WDR7: variants seen among roughly 807,000 people sequenced by gnomAD.
WDR7 encodes WD repeat domain 7, also known as WD repeat-containing protein 7.
In WDR7, 46 loss-of-function variants were observed where a neutral mutation model predicts 169.4. That is an observed-to-expected ratio of 0.27 (90% CI 0.21 to 0.35). WDR7 has a LOEUF of 0.35. WDR7 is among the 10% of genes least tolerant of loss of function. WDR7 has a pLI of 1.00. For synonymous variants in WDR7, 612 were observed against 666.8 expected, an observed-to-expected ratio of 0.92 and a Z score of 1.27; for missense variants, 1,534 against 1,859.3, an observed-to-expected ratio of 0.83 and a Z score of 3.22.
chr18:56,931,943 C>G (rs2145675128), intron 22 of WDR7, among the ~76,000 whole-genome samples: 1 of 152,136 alleles, frequency 6.6e-6, no homozygotes, highest in Non-Finnish European at 1.5e-5. Flanking sequence ...TTATGGAGGG[C>G]CTAGAATCTT....
At chr18:56,776,029 C>T (rs1220114608) in intron 16 of WDR7, among the ~76,000 whole-genome samples, 5 of 152,044 alleles carry the variant, frequency 3.3e-5, no homozygotes, top group South Asian at 2.1e-4. Context: ...GTGTGCCATA[C>T]GGTCCTTTTG....
chr18:56,936,864 G>A (rs566083819), intron 23 of WDR7, among the ~76,000 whole-genome samples: 7 of 152,070 alleles, frequency 4.6e-5, no homozygotes, highest in Non-Finnish European at 7.4e-5. Flanking sequence ...TTATAGTAAG[G>A]TTCCACTAGA....
chr18:56,724,512 A>G (rs956408679), intron 13 of WDR7, among the ~76,000 whole-genome samples: 3 of 150,900 alleles, frequency 2.0e-5, no homozygotes, highest in Non-Finnish European at 2.9e-5. Flanking sequence ...GCTCCTGGCC[A>G]TGCCTTTGTA....
At chr18:56,724,657 A>G (rs900769886) in intron 13 of WDR7, among the ~76,000 whole-genome samples, 13 of 151,142 alleles carry the variant, frequency 8.6e-5, no homozygotes, top group African/African-American at 2.9e-4. Context: ...TTTTATATAT[A>G]TATATAATTA....
intron 20 of WDR7, among the ~76,000 whole-genome samples, chr18:56,877,200 C>T (rs2046035059): frequency 6.6e-6 from 1 of 151,778 alleles, no homozygotes; most frequent in Non-Finnish European, 1.5e-5. Context: ...TAAATAATTC[C>T]ATACCAATAA....
intron 19 of WDR7, among the ~76,000 whole-genome samples, chr18:56,807,328 C>A (rs1179888942): frequency 6.6e-6 from 1 of 151,950 alleles, no homozygotes; most frequent in Non-Finnish European, 1.5e-5. Context: ...ACGGTTTTTT[C>A]TTTGTTTCAT....
intron 26 of WDR7, among the ~76,000 whole-genome samples, chr18:57,013,427 C>T (rs2048164686): frequency 6.6e-6 from 1 of 151,754 alleles, no homozygotes; most frequent in Admixed American, 6.6e-5. Flanking sequence ...AGGATGACGA[C>T]AACTGTTTTA....
At chr18:56,655,445 C>T (rs897775696) in intron 1 of WDR7, among the ~76,000 whole-genome samples, 1 of 151,778 alleles carries the variant, frequency 6.6e-6, no homozygotes, top group Non-Finnish European at 1.5e-5. Context: ...ATGTCAAAAC[C>T]CCGTCTCTGG....
At position 56,696,230 on chromosome 18, in the gene WDR7, C is replaced by G. The variant is rs771218015; in HGVS notation, c.1358-12C>G. On this transcript the variant is annotated splice_polypyrimidine_tract_variant and intron_variant, in intron 11 of 27. Transcript: ENST00000254442. ...TAATTTTCCCATTTTAAATCCAAAC[C>G]CTCATTCACAGGTTGGCCACCTCAC... 1 of 1,587,402 alleles carries G rather than the reference C, an allele frequency of 6.3e-7. No homozygotes were observed. Among genetic ancestry groups the G allele is most frequent in the Non-Finnish European group, 8.6e-7 (1 of 1,165,516 alleles).
intron 20 of WDR7, among the ~76,000 whole-genome samples, chr18:56,848,891 C>T (rs1379264692): frequency 6.6e-6 from 1 of 152,190 alleles, no homozygotes; most frequent in African/African-American, 2.4e-5. Flanking sequence ...CCTATTAAAT[C>T]TCTTTTCTTC....
At chr18:56,979,914 C>T (rs946638425) in intron 26 of WDR7, among the ~76,000 whole-genome samples, 2 of 152,202 alleles carry the variant, frequency 1.3e-5, no homozygotes, top group Admixed American at 6.5e-5. Flanking sequence ...TAGTTTGTTA[C>T]TATATCCTTC....
intron 1 of WDR7, among the ~76,000 whole-genome samples, chr18:56,653,349 A>G (rs2024697089): frequency 1.3e-5 from 2 of 151,940 alleles, no homozygotes; most frequent in African/African-American, 4.8e-5. Flanking sequence ...TTGGGATTAC[A>G]GACTGTGCCA....
intron 16 of WDR7, among the ~76,000 whole-genome samples, chr18:56,764,725 G>A (rs2044034000): frequency 6.6e-6 from 1 of 152,096 alleles, no homozygotes; most frequent in African/African-American, 2.4e-5. Context: ...TGTGTATTCT[G>A]CTGTTGTTGG....
chr18:56,972,695 A>G lies in WDR7; in HGVS notation c.4164+10166A>G, dbSNP rs149089126. On this transcript the variant is annotated intron_variant, in intron 26 of 27. Coordinates refer to ENST00000254442, the MANE Select transcript of WDR7 (RefSeq NM_015285.3). ...GCTATTTAGAGAAAAACTTCTAGGT[A>G]GAGAAACAGATATCCAGAACAATGC... is the stretch of plus-strand genomic sequence containing the variant. Among the ~76,000 whole-genome samples, 12 of 152,356 alleles carry G rather than the reference A, an allele frequency of 7.9e-5. No individual in the cohort carries two copies. The East Asian group carries it at 2.3e-3, about 29-fold the overall frequency.
At chr18:56,716,948 T>C (rs1039452393) in intron 12 of WDR7, among the ~76,000 whole-genome samples, 2 of 152,206 alleles carry the variant, frequency 1.3e-5, no homozygotes, top group African/African-American at 2.4e-5. Context: ...TATTGAGATA[T>C]TGATCTTTAG....
chr18:56,773,197 A>G (rs562626000), intron 16 of WDR7, among the ~76,000 whole-genome samples: 2 of 152,176 alleles, frequency 1.3e-5, no homozygotes, highest in Non-Finnish European at 2.9e-5. Context: ...TTCCTGAAAT[A>G]GAAATAGGGC....
chr18:56,683,946 G>A (rs2025397606), intron 5 of WDR7, among the ~76,000 whole-genome samples: 1 of 152,148 alleles, frequency 6.6e-6, no homozygotes, highest in Admixed American at 6.5e-5. Context: ...TTCTAGTAAA[G>A]GACAATGATA....
At position 56,937,087 on chromosome 18, in the gene WDR7, T is replaced by C. The variant is rs117158070; in HGVS notation, c.3831+1182T>C. Among the ~76,000 whole-genome samples the C allele has an allele frequency of 2.4e-3, 365 of 152,308 alleles. 2 individuals are homozygous for C. The highest frequency in any genetic ancestry group is 0.012 in the South Asian group (60 of 4,826). ...GTCTGACAGGTCCTTGTATTAATTG[T>C]GTTTTCAAACTTCATTTGCACCATT... On this transcript the variant is annotated intron_variant, in intron 23 of 27. Coordinates refer to ENST00000254442, the MANE Select transcript of WDR7 (RefSeq NM_015285.3).
chr18:57,034,824 C>T, the WDR7 span: 2 of 152,036 alleles, frequency 1.3e-5, no homozygotes, highest in Non-Finnish European at 1.5e-5. Flanking sequence ...GAGAGAAAGT[C>T]TCTCTGAGAC....
Sources: gnomAD v4.1 joint callset for allele counts (sites outside exome capture counted in the v4.1 genomes callset) on GRCh38, gnomAD v4.1.1 for gene constraint, MANE v1.5 for transcripts, NCBI Gene and HGNC (gene_info 2026-07-23, HGNC 2026-07-21) for gene names.